Variants in ANKS1B observed in about 807,000 individuals in gnomAD.
The protein encoded by ANKS1B is ankyrin repeat and sterile alpha motif domain-containing protein 1B.
Under a neutral mutation model 148.3 loss-of-function variants are expected in ANKS1B, and 36 were observed. That is an observed-to-expected ratio of 0.24 (90% CI 0.19 to 0.32). ANKS1B has a LOEUF of 0.32. Ranked by LOEUF, ANKS1B falls within the 10% of genes least tolerant of loss-of-function variation. The pLI is 1.00. For synonymous variants in ANKS1B, 542 were observed against 560.8 expected, an observed-to-expected ratio of 0.97 and a Z score of 0.47; for missense variants, 1,157 against 1,542.6, an observed-to-expected ratio of 0.75 and a Z score of 4.19.
At chr12:99,575,612 T>C (rs548021665) in intron 9 of ANKS1B, among the ~76,000 whole-genome samples, 1 of 152,114 alleles carries the variant, frequency 6.6e-6, no homozygotes, top group Non-Finnish European at 1.5e-5. Flanking sequence ...AAACCCCTTA[T>C]CAAATCATCA....
chr12:99,582,381 C>T, intron 9 of ANKS1B, among the ~76,000 whole-genome samples: 1 of 151,334 alleles, frequency 6.6e-6, no homozygotes, highest in Non-Finnish European at 1.5e-5. Context: ...AACATTTGTC[C>T]ACACAAAGAC....
intron 8 of ANKS1B, among the ~76,000 whole-genome samples, chr12:99,738,637 C>T (rs544942397): frequency 1.1e-4 from 16 of 152,194 alleles, no homozygotes; most frequent in Non-Finnish European, 2.1e-4. Flanking sequence ...TCAGTGAAAC[C>T]ATTAAAAACT....
At chr12:99,254,197 T>C (rs751528148) in intron 12 of ANKS1B, among the ~76,000 whole-genome samples, 3 of 152,214 alleles carry the variant, frequency 2.0e-5, no homozygotes, top group Non-Finnish European at 4.4e-5. Context: ...AACTTTCTGA[T>C]TTGGTTGCAC....
intron 17 of ANKS1B, among the ~76,000 whole-genome samples, chr12:99,018,598 T>C (rs2099943936): frequency 6.6e-6 from 1 of 152,206 alleles, no homozygotes; most frequent in African/African-American, 2.4e-5. Context: ...GAACTCAGTA[T>C]AGATTCTGTG....
At chr12:99,293,378 A>AT (rs1319118126) in intron 12 of ANKS1B, among the ~76,000 whole-genome samples, 1 of 152,098 alleles carries the variant, frequency 6.6e-6, no homozygotes, top group Admixed American at 6.6e-5. Context: ...AAGGGATAGC[A>AT]TTAGGAGAAA....
intron 8 of ANKS1B, among the ~76,000 whole-genome samples, chr12:99,711,464 A>T (rs1202780850): frequency 6.6e-6 from 1 of 152,094 alleles, no homozygotes; most frequent in Non-Finnish European, 1.5e-5. Context: ...GATAGGTCCC[A>T]GTGTATGTTG....
chr12:99,922,528 A>T (rs931698586), intron 1 of ANKS1B, among the ~76,000 whole-genome samples: 19 of 152,146 alleles, frequency 1.2e-4, no homozygotes, highest in African/African-American at 4.6e-4. Flanking sequence ...ACCACACCAT[A>T]TTCCACTAGC....
At chr12:98,921,179 C>T (rs181590626) in intron 17 of ANKS1B, among the ~76,000 whole-genome samples, 6 of 151,992 alleles carry the variant, frequency 3.9e-5, no homozygotes, top group Admixed American at 3.9e-4. Context: ...TTCTTCTTCC[C>T]TCCCTTGATG....
chr12:98,983,551 G>A (rs1466070742), intron 17 of ANKS1B, among the ~76,000 whole-genome samples: 1 of 152,156 alleles, frequency 6.6e-6, no homozygotes, highest in African/African-American at 2.4e-5. Context: ...AAAGTTATGA[G>A]GGTCATCTAT....
chr12:99,152,125 T>C (rs2075101926), intron 15 of ANKS1B, among the ~76,000 whole-genome samples: 1 of 152,200 alleles, frequency 6.6e-6, no homozygotes, highest in African/African-American at 2.4e-5. Context: ...TGCAATTACA[T>C]AAATTAGATT....
intron 6 of ANKS1B, among the ~76,000 whole-genome samples, chr12:99,778,576 GGAGA>G (rs1490859086): frequency 6.6e-6 from 1 of 151,618 alleles, no homozygotes; most frequent in East Asian, 1.9e-4. Context: ...GTGCATAGAG[GGAGA>G]AGACTAATAA....
In ANKS1B at chr12:98,979,924, G is replaced by T. The variant is rs1013180393; in HGVS notation, c.2778+73233C>A. On this transcript the variant is annotated intron_variant, in intron 17 of 26. Transcript: ENST00000683438. ...TTAGACTGCTTGATATTATTCCACA[G>T]GTCACTTAGGCTCTGCTAATTTTTT... 4.6e-5 allele frequency among the ~76,000 whole-genome samples: 7 copies of T among 152,012 alleles called. No individual in the cohort carries two copies. In the East Asian group the frequency reaches 1.4e-3, roughly 29 times the overall value.
chr12:99,203,661 C>G (rs976063240), intron 14 of ANKS1B, among the ~76,000 whole-genome samples: 2 of 152,102 alleles, frequency 1.3e-5, no homozygotes, highest in Non-Finnish European at 2.9e-5. Context: ...CTGTGTTAGC[C>G]AGGATGGTCT....
chr12:98,961,292 T>C (rs1032563686), intron 17 of ANKS1B, among the ~76,000 whole-genome samples: 1 of 152,192 alleles, frequency 6.6e-6, no homozygotes, highest in African/African-American at 2.4e-5. Flanking sequence ...TAGCAGACTT[T>C]TCAGCGGAAA....
chr12:99,913,263 T>C (rs1344343420), intron 1 of ANKS1B, among the ~76,000 whole-genome samples: 2 of 152,152 alleles, frequency 1.3e-5, no homozygotes, highest in Non-Finnish European at 2.9e-5. Context: ...AAAATTAATT[T>C]CATTTCCTCG....
intron 9 of ANKS1B, among the ~76,000 whole-genome samples, chr12:99,622,467 G>A (rs1270285080): frequency 6.6e-6 from 1 of 151,574 alleles, no homozygotes; most frequent in East Asian, 1.9e-4. Context: ...TTTTTGTAAA[G>A]GATAAAGGAT....
chr12:99,287,604 C>T (rs1566814467), intron 12 of ANKS1B, among the ~76,000 whole-genome samples: 2 of 152,088 alleles, frequency 1.3e-5, no homozygotes, highest in Non-Finnish European at 2.9e-5. Context: ...GATATGTGAC[C>T]TTTCAGAGAA....
At chr12:99,464,186 T>C (rs2096053306) in intron 10 of ANKS1B, among the ~76,000 whole-genome samples, 1 of 152,200 alleles carries the variant, frequency 6.6e-6, no homozygotes, top group African/African-American at 2.4e-5. Flanking sequence ...AAACAGGGTC[T>C]GGAGTGGACC....
rs1030259538 is a variant in ANKS1B at position 98,949,171 on chromosome 12, C to T, written c.2778+103986G>A. 5.5e-4 allele frequency among the ~76,000 whole-genome samples: 83 copies of T among 151,996 alleles called. 1 individual carries two copies. Among genetic ancestry groups the T allele is most frequent in the African/African-American group, 1.9e-3 (80 of 41,414 alleles). On this transcript the variant is annotated intron_variant, in intron 17 of 26. Coordinates refer to ENST00000683438, the MANE Select transcript of ANKS1B (RefSeq NM_001352186.2). ...GTTTCACTGTGTTAGCCAGGACGGT[C>T]TCGATCTCCTGACCTCGTGATCTGC...
Sources: allele counts gnomAD v4.1 joint callset (sites outside exome capture counted in the v4.1 genomes callset), GRCh38; gene constraint gnomAD v4.1.1; transcripts MANE v1.5; gene names NCBI Gene and HGNC (gene_info 2026-07-23, HGNC 2026-07-21).